FFAR4: variants seen among roughly 807,000 people sequenced by gnomAD.
FFAR4 encodes the protein G-protein coupled receptor 120.
In FFAR4, 19 loss-of-function variants were observed where a neutral mutation model predicts 27.0. The ratio of observed to expected loss-of-function variants is 0.70; its 90% CI spans 0.49 to 1.03. FFAR4 has a LOEUF of 1.03. Among genes scored for constraint, FFAR4 ranks in the 50% least tolerant of loss-of-function variants. FFAR4 has a pLI of 0.00. For missense variants in FFAR4, 476 were observed against 479.0 expected, an observed-to-expected ratio of 0.99 and a Z score of 0.06; for synonymous variants, 254 against 215.6, an observed-to-expected ratio of 1.18 and a Z score of -1.56.
rs1313696020 is a variant in FFAR4 at position 93,589,716 on chromosome 10, G to T, written c.*2107G>T. 1 of 152,068 alleles carries T rather than the reference G, an allele frequency of 6.6e-6. No individual in the cohort carries two copies. The highest frequency in any genetic ancestry group is 1.5e-5 in the Non-Finnish European group (1 of 68,044). 9.4% of individuals were successfully genotyped at this position (152,068 alleles called of 1,614,324 possible). A position where few individuals can be genotyped will look rare whatever the true frequency, so the allele number is the denominator to read the frequency against. ...AGATGTGGAGCTTGGGCCTGGAGAT[G>T]CACATTGTTTGGAGATATAAATGGT... On this transcript the variant is annotated 3_prime_UTR_variant, in exon 3 of 3. Transcript: ENST00000371481.
chr10:93,567,428 T>C, intron 1 of FFAR4, 141 bp downstream of exon 1: 2 of 751,976 alleles, frequency 2.7e-6, no homozygotes, highest in East Asian at 5.5e-5. Context: ...CTTGTGCCCA[T>C]GGCTGTGAAG....
rs1304977125 is a variant in FFAR4, at chr10:93,588,618, C to T, written c.*1009C>T. On this transcript the variant is annotated 3_prime_UTR_variant, in exon 3 of 3. Coordinates refer to ENST00000371481, the MANE Select transcript of FFAR4 (RefSeq NM_001195755.2). The stretch of plus-strand genomic sequence containing the variant: ...GTGAACCAGACAGCCATGGCCCTCT[C>T]TCAGGGAACTTACCTTCGAGTCAGG... 7 of 152,196 alleles carry T rather than the reference C, an allele frequency of 4.6e-5. No homozygotes were observed. The East Asian group carries it at 9.6e-4, about 21-fold the overall frequency. The allele number at this position is 152,196 out of a possible 1,614,324, so 9.4% of individuals were successfully genotyped here.
chr10:93,579,537 T>C (rs2058187006), intron 2 of FFAR4, among the ~76,000 whole-genome samples: 2 of 152,226 alleles, frequency 1.3e-5, no homozygotes, highest in Non-Finnish European at 2.9e-5. Context: ...TATCCTGATT[T>C]ATTTCTCTTC....
chr10:93,582,179 C>G (rs1261819009), intron 2 of FFAR4, among the ~76,000 whole-genome samples: 1 of 152,026 alleles, frequency 6.6e-6, no homozygotes, highest in Non-Finnish European at 1.5e-5. Flanking sequence ...TTATAAAGCC[C>G]CCTTTTCTTC....
At chr10:93,583,246 CAAAAAA>C (rs56030960) in intron 2 of FFAR4, among the ~76,000 whole-genome samples, 7 of 102,288 alleles carry the variant, frequency 6.8e-5, no homozygotes, top group East Asian at 3.8e-4. Context: ...ACTAAAAATA[CAAAAAA>C]AAAAAAAAAA....
rs117884541 is a variant in FFAR4 at position 93,577,134 on chromosome 10, G to T, written c.696+915G>T. On this transcript the variant is annotated intron_variant, in intron 2 of 2. Transcript: ENST00000371481. ...AGTCAGCCTGTTTTATATCTCGTAA[G>T]GTAGCCCATTTGTGAGTAAGTTGCC... Among the ~76,000 whole-genome samples the T allele has an allele frequency of 5.5e-4, 84 of 152,326 alleles. No homozygotes were observed. The East Asian group carries it at 7.3e-3, about 13-fold the overall frequency.
intron 1 of FFAR4, among the ~76,000 whole-genome samples, chr10:93,569,059 A>T (rs1414929): frequency 0.28 from 41,941 of 151,988 alleles, 7,020 homozygotes; most frequent in African/African-American, 0.46. Context: ...TCTAAAAGCA[A>T]GGATCAGGAG....
chr10:93,588,748 C>T lies in FFAR4; in HGVS notation c.*1139C>T, dbSNP rs1180608599. 6.6e-6 allele frequency: 1 copy of T among 152,258 alleles called. No homozygotes were observed. Among genetic ancestry groups the T allele is most frequent in the Non-Finnish European group, 1.5e-5 (1 of 68,058 alleles). The allele number at this position is 152,258 out of a possible 1,614,324, so 9.4% of individuals were successfully genotyped here. A position where few individuals can be genotyped will look rare whatever the true frequency, so the allele number is the denominator to read the frequency against. On this transcript the variant is annotated 3_prime_UTR_variant, in exon 3 of 3. Coordinates refer to ENST00000371481, the MANE Select transcript of FFAR4 (RefSeq NM_001195755.2). ...ATGCCCAGGCTGGAGTGCAACGGCA[C>T]AATCACGGCTCCCTGAAGCCTCAAA...
intron 2 of FFAR4, among the ~76,000 whole-genome samples, chr10:93,583,284 C>T (rs377607397): frequency 3.4e-5 from 5 of 148,708 alleles, no homozygotes; most frequent in Admixed American, 6.7e-5. Flanking sequence ...GGCGTGATGG[C>T]GGGCGCCTGT....
intron 2 of FFAR4, among the ~76,000 whole-genome samples, chr10:93,577,005 T>C (rs2152643): frequency 0.068 from 10,403 of 152,274 alleles, 784 homozygotes; most frequent in East Asian, 0.34. Context: ...ATCTTCCAGT[T>C]GCTACTCCAC....
At chr10:93,568,501 A>G (rs1214766882) in intron 1 of FFAR4, among the ~76,000 whole-genome samples, 4 of 152,126 alleles carry the variant, frequency 2.6e-5, no homozygotes, top group African/African-American at 9.7e-5. Context: ...TCACGGTCCC[A>G]AAGAGGGACC....
intron 2 of FFAR4, among the ~76,000 whole-genome samples, chr10:93,580,150 C>T (rs922003640): frequency 1.3e-5 from 2 of 152,172 alleles, no homozygotes; most frequent in African/African-American, 4.8e-5. Context: ...TGCATCTCCT[C>T]CCCTGTGAAG....
intron 2 of FFAR4, among the ~76,000 whole-genome samples, chr10:93,581,483 G>A (rs1323346275): frequency 6.6e-6 from 1 of 152,178 alleles, no homozygotes; most frequent in Non-Finnish European, 1.5e-5. Flanking sequence ...TTGTCAGTGG[G>A]AACATCCTCT....
chr10:93,586,612 C>G (rs937434422), intron 2 of FFAR4, among the ~76,000 whole-genome samples: 5 of 152,314 alleles, frequency 3.3e-5, no homozygotes, highest in Middle Eastern at 3.4e-3. Flanking sequence ...AGTGCCTTCT[C>G]TGTGCAGATA....
At chr10:93,572,636 G>T (rs1200568645) in intron 1 of FFAR4, among the ~76,000 whole-genome samples, 1 of 152,194 alleles carries the variant, frequency 6.6e-6, no homozygotes, top group Admixed American at 6.5e-5. Context: ...TGGGGAGGAG[G>T]AGGTGGGCAG....
intron 1 of FFAR4, among the ~76,000 whole-genome samples, chr10:93,569,901 A>G (rs1258439146): frequency 1.3e-5 from 2 of 151,938 alleles, no homozygotes; most frequent in African/African-American, 4.8e-5. Flanking sequence ...TCTACTAAAA[A>G]TACAAAAATT....
chr10:93,569,087 A>T (rs1051519712), intron 1 of FFAR4, among the ~76,000 whole-genome samples: 3 of 152,196 alleles, frequency 2.0e-5, no homozygotes, highest in African/African-American at 7.2e-5. Flanking sequence ...GGCTTCTGCC[A>T]TCAGTTTCTT....
At chr10:93,583,689 C>T (rs1158919874) in intron 2 of FFAR4, among the ~76,000 whole-genome samples, 1 of 152,190 alleles carries the variant, frequency 6.6e-6, no homozygotes, top group Non-Finnish European at 1.5e-5. Flanking sequence ...TCGGCAGCTT[C>T]TTAGCTGAGT....
intron 1 of FFAR4, among the ~76,000 whole-genome samples, chr10:93,575,820 A>C (rs2058160343): frequency 1.3e-5 from 2 of 152,072 alleles, no homozygotes; most frequent in Non-Finnish European, 2.9e-5. Context: ...CTAGGAACCG[A>C]CTCTAGCTCT....
Sources: allele counts gnomAD v4.1 joint callset (sites outside exome capture counted in the v4.1 genomes callset), GRCh38; gene constraint gnomAD v4.1.1; transcripts MANE v1.5; gene names NCBI Gene and HGNC (gene_info 2026-07-23, HGNC 2026-07-21).